REEP3: variants seen among roughly 807,000 people sequenced by gnomAD.
The protein encoded by REEP3 is receptor expression-enhancing protein 3.
In REEP3, 20 loss-of-function variants were observed where a neutral mutation model predicts 41.3. The ratio of observed to expected loss-of-function variants is 0.48; its 90% confidence interval spans 0.34 to 0.70. The LOEUF (loss-of-function observed/expected upper bound fraction) is 0.70. Among genes scored for constraint, REEP3 ranks in the 30% least tolerant of loss-of-function variants. The probability of loss-of-function intolerance (pLI) is 0.01; values close to 1 mark genes in which losing one functional copy is unlikely to be tolerated. For synonymous variants in REEP3, 104 were observed against 101.8 expected, an observed-to-expected ratio of 1.02 and a Z score of -0.13; for missense variants, 271 against 308.8, an observed-to-expected ratio of 0.88 and a Z score of 0.92.
intron 2 of REEP3, among the ~76,000 whole-genome samples, chr10:63,577,756 A>G (rs1955910602): frequency 6.6e-6 from 1 of 152,016 alleles, no homozygotes; most frequent in African/African-American, 2.4e-5. Flanking sequence ...TTTGACCAGG[A>G]ATTTTGCCAC....
At chr10:63,548,966 G>A (rs554786061) in intron 1 of REEP3, among the ~76,000 whole-genome samples, 27 of 151,796 alleles carry the variant, frequency 1.8e-4, no homozygotes, top group African/African-American at 6.5e-4. Context: ...GTCAAAATAA[G>A]TGCCCTTTGA....
chr10:63,572,307 T>TTC (rs1955860052), intron 2 of REEP3, among the ~76,000 whole-genome samples: 2 of 150,132 alleles, frequency 1.3e-5, no homozygotes. Flanking sequence ...TAAACCGACT[T>TTC]TTTTTTTTTA....
chr10:63,589,956 G>T (rs1280205114), intron 2 of REEP3, among the ~76,000 whole-genome samples: 1 of 151,570 alleles, frequency 6.6e-6, no homozygotes, highest in South Asian at 2.1e-4. Context: ...TACCATGCCC[G>T]GCTAATTTTT....
intron 2 of REEP3, among the ~76,000 whole-genome samples, chr10:63,567,863 T>C (rs1285374936): frequency 6.6e-6 from 1 of 152,176 alleles, no homozygotes; most frequent in Non-Finnish European, 1.5e-5. Context: ...TATTAAACTT[T>C]TACGGTCATT....
At chr10:63,526,273 ATTATT>A (rs1345674219) in intron 1 of REEP3, among the ~76,000 whole-genome samples, 3 of 152,066 alleles carry the variant, frequency 2.0e-5, no homozygotes, top group Non-Finnish European at 4.4e-5. Context: ...TCAGGCCAGT[ATTATT>A]TTCTTAGCCA....
At chr10:63,585,990 T>C (rs1050867415) in intron 2 of REEP3, among the ~76,000 whole-genome samples, 1 of 152,202 alleles carries the variant, frequency 6.6e-6, no homozygotes, top group African/African-American at 2.4e-5. Flanking sequence ...AAGTTTTCTC[T>C]AAGAATGTAA....
At chr10:63,605,774 A>T (rs1956219488) in intron 5 of REEP3, among the ~76,000 whole-genome samples, 1 of 152,172 alleles carries the variant, frequency 6.6e-6, no homozygotes, top group Non-Finnish European at 1.5e-5. Flanking sequence ...AGACATTCAG[A>T]TGTCCTAGTG....
chr10:63,555,682 T>C (rs1367461925), intron 1 of REEP3, among the ~76,000 whole-genome samples: 1 of 152,234 alleles, frequency 6.6e-6, no homozygotes, highest in Non-Finnish European at 1.5e-5. Flanking sequence ...TTCACATTAC[T>C]TTAAAAAATC....
chr10:63,552,649 G>T (rs759816772), intron 1 of REEP3, among the ~76,000 whole-genome samples: 3 of 152,146 alleles, frequency 2.0e-5, no homozygotes, highest in Non-Finnish European at 4.4e-5. Context: ...TAGATGGACT[G>T]CCCTTCATTT....
intron 2 of REEP3, among the ~76,000 whole-genome samples, chr10:63,571,093 TGACA>T (rs1955848098): frequency 6.6e-6 from 1 of 152,056 alleles, no homozygotes; most frequent in Admixed American, 6.5e-5. Context: ...CCAGCCTGGA[TGACA>T]GACAGAGTGA....
rs139277781 is a variant in REEP3 at position 63,565,277 on chromosome 10, A to G, written c.33-1061A>G. On this transcript the variant is annotated intron_variant, in intron 1 of 7. Transcript: ENST00000373758. ...TCCATGTCAATCAATTGGTCAATCA[A>G]TAAATAAAAATACTGTAGGATAACA... Among the ~76,000 whole-genome samples, 362 of 152,320 alleles carry G rather than the reference A, an allele frequency of 2.4e-3. 3 individuals carry two copies. The highest frequency in any genetic ancestry group is 0.014 in the Middle Eastern group (4 of 294).
chr10:63,568,650 A>ATT (rs10622553), intron 2 of REEP3, among the ~76,000 whole-genome samples: 34,184 of 108,918 alleles, frequency 0.31, 6,259 homozygotes, highest in African/African-American at 0.43. Flanking sequence ...ACAACCCAGA[A>ATT]TTTTTTTTTT....
intron 2 of REEP3, among the ~76,000 whole-genome samples, chr10:63,589,615 C>T (rs552949260): frequency 4.6e-5 from 7 of 152,206 alleles, no homozygotes; most frequent in African/African-American, 1.4e-4. Context: ...AGATATAATA[C>T]CAGTTCCTGC....
chr10:63,528,787 TG>T lies in REEP3; in HGVS notation c.32+7212del, dbSNP rs925635472. 2.0e-5 allele frequency among the ~76,000 whole-genome samples: 3 copies of T among 152,338 alleles called. No individual in the cohort carries two copies. In the East Asian group the frequency reaches 5.8e-4, roughly 29 times the overall value. Reference sequence around the variant, plus strand: ...AAGACCTGAGAGCCTGGGCACTTGATGGCCCCTGCCTCAGTGCACTTCCCAC... The same window carrying T: ...AAGACCTGAGAGCCTGGGCACTTGATGCCCCTGCCTCAGTGCACTTCCCAC... On this transcript the variant is annotated intron_variant, in intron 1 of 7. Transcript: ENST00000373758.
At chr10:63,595,408 A>G (rs1956104519) in intron 3 of REEP3, among the ~76,000 whole-genome samples, 1 of 152,172 alleles carries the variant, frequency 6.6e-6, no homozygotes, top group Non-Finnish European at 1.5e-5. Context: ...TAACTGGACA[A>G]CTCAAATCTC....
At chr10:63,556,282 AT>A (rs35491942) in intron 1 of REEP3, among the ~76,000 whole-genome samples, 46 of 146,436 alleles carry the variant, frequency 3.1e-4, no homozygotes, top group Non-Finnish European at 2.4e-4. Flanking sequence ...TGCCCGACTA[AT>A]TTTTTTTTTT....
intron 1 of REEP3, chr10:63,562,686 G>A (rs1045216631): frequency 2.2e-6 from 1 of 449,618 alleles, no homozygotes; most frequent in East Asian, 7.0e-5. Flanking sequence ...CACCAGGCAT[G>A]TACTGCCCTC....
At chr10:63,599,528 G>A (rs1192043483) in intron 5 of REEP3, 1 of 287,872 alleles carries the variant, frequency 3.5e-6, no homozygotes, top group African/African-American at 2.3e-5. Context: ...ATGTCATTTA[G>A]TCATAATTTT....
In REEP3 at chr10:63,624,860, A is replaced by G. The variant is rs1448426408; in HGVS notation, c.*3991A>G. Reference sequence around the variant, plus strand: ...TTAGCTGTCTCAGGCATAAAATGTAACACAAAATTCAGATTTATGTATCCT... The same window carrying G: ...TTAGCTGTCTCAGGCATAAAATGTAGCACAAAATTCAGATTTATGTATCCT... On this transcript the variant is annotated 3_prime_UTR_variant, in exon 8 of 8. Transcript: ENST00000373758. The G allele has an allele frequency of 6.6e-6, 1 of 152,132 alleles. No individual in the cohort carries two copies. Among genetic ancestry groups the G allele is most frequent in the African/African-American group, 2.4e-5 (1 of 41,448 alleles). The allele number at this position is 152,132 out of a possible 1,614,324, so 9.4% of individuals were successfully genotyped here.
Sources: allele counts gnomAD v4.1 joint callset (sites outside exome capture counted in the v4.1 genomes callset), GRCh38; gene constraint gnomAD v4.1.1; transcripts MANE v1.5; gene names NCBI Gene and HGNC (gene_info 2026-07-23, HGNC 2026-07-21).